ADGRV1: variants seen among roughly 807,000 people sequenced by gnomAD.
ADGRV1 encodes the protein adhesion G protein-coupled receptor V1.
A neutral mutation model predicts 596.2 loss-of-function variants in ADGRV1; 359 were observed. The ratio of observed to expected loss-of-function variants is 0.60; its 90% CI spans 0.55 to 0.66. The LOEUF (loss-of-function observed/expected upper bound fraction) is 0.66, where lower values mean the gene tolerates loss of function less well. ADGRV1 is among the 30% of genes least tolerant of loss of function. The probability of loss-of-function intolerance (pLI) is 0.00; values close to 1 mark genes in which losing one functional copy is unlikely to be tolerated. For missense variants in ADGRV1, 7,274 were observed against 7,575.6 expected, an observed-to-expected ratio of 0.96 and a Z score of 1.48; for synonymous variants, 2,681 against 2,679.2, an observed-to-expected ratio of 1.00 and a Z score of -0.02.
rs371950734 is a variant in ADGRV1, at chr5:90,712,380, A to G, written c.9136A>G (p.Ile3046Val). ...AGAAGGAGATGAAAAATTTCAGCTGATTTTAACAAATCCTTCTCCTGGACT... is the reference window on the plus strand; with the variant it reads ...AGAAGGAGATGAAAAATTTCAGCTGGTTTTAACAAATCCTTCTCCTGGACT... ...IPEGDEKFQL[I>V]LTNPSPGLEL... is the part of the protein sequence containing the mutation. Residue 3046 changes from isoleucine to valine, a missense_variant, in exon 42 of 90, where the codon ATT becomes GTT. This residue lies in a region of ADGRV1 where 3,643 missense variants were observed against 3,809.2 expected (regional missense o/e 0.96). Coordinates refer to ENST00000405460, the MANE Select transcript of ADGRV1 (RefSeq NM_032119.4). The G allele has an allele frequency of 3.1e-6, 5 of 1,587,678 alleles. No individual in the cohort carries two copies. Among genetic ancestry groups the G allele is most frequent in the Non-Finnish European group, 8.6e-7 (1 of 1,163,868 alleles).
At chr5:90,974,730 C>T (rs1350873155) in intron 84 of ADGRV1, among the ~76,000 whole-genome samples, 1 of 152,092 alleles carries the variant, frequency 6.6e-6, no homozygotes, top group Non-Finnish European at 1.5e-5. Context: ...AATATTAGAC[C>T]TAAAACCATA....
chr5:90,576,747 G>A (rs1485289888), intron 1 of ADGRV1, among the ~76,000 whole-genome samples: 5 of 152,124 alleles, frequency 3.3e-5, no homozygotes, highest in African/African-American at 4.8e-5. Context: ...GTCTGAAAGC[G>A]TTCCTATTTC....
intron 83 of ADGRV1, among the ~76,000 whole-genome samples, chr5:90,883,483 A>C (rs1391665573): frequency 6.6e-6 from 1 of 152,194 alleles, no homozygotes; most frequent in Admixed American, 6.5e-5. Context: ...TTTCATTTTA[A>C]ATAATGATTC....
At chr5:91,104,927 TCAG>T (rs1791723278) in intron 87 of ADGRV1, among the ~76,000 whole-genome samples, 1 of 145,820 alleles carries the variant, frequency 6.9e-6, no homozygotes, top group Admixed American at 7.1e-5. Context: ...TGGCGCGAAC[TCAG>T]CTCACTGCAA....
At chr5:90,743,788 G>A (rs1754277928) in intron 50 of ADGRV1, among the ~76,000 whole-genome samples, 1 of 151,652 alleles carries the variant, frequency 6.6e-6, no homozygotes, top group Admixed American at 6.6e-5. Context: ...ATATATTTAT[G>A]TTCCAATGTG....
chr5:90,706,421 TA>T lies in ADGRV1; in HGVS notation c.8730+28del, dbSNP rs752220429. 4.6e-6 allele frequency: 7 copies of T among 1,507,536 alleles called. No individual in the cohort carries two copies. The Admixed American group carries it at 7.5e-5, about 16-fold the overall frequency. The allele number at this position is 1,507,536 out of a possible 1,614,324, so 93.4% of individuals were successfully genotyped here. On this transcript the variant is annotated intron_variant, in intron 38 of 89. Transcript: ENST00000405460. Reference sequence around the variant, plus strand: ...TAAAACTCTTTTTTTTTTTTAATCTTAGGGGGAGATAGTTTAATAAGTTTTT... The same window carrying T: ...TAAAACTCTTTTTTTTTTTTAATCTTGGGGGAGATAGTTTAATAAGTTTTT...
chr5:90,875,892 T>C (rs921771852), intron 83 of ADGRV1, among the ~76,000 whole-genome samples: 1 of 152,228 alleles, frequency 6.6e-6, no homozygotes, highest in African/African-American at 2.4e-5. Context: ...CTAATTTTAA[T>C]AGTGTTAACT....
At chr5:90,740,155 CTT>C (rs1753781530) in intron 50 of ADGRV1, among the ~76,000 whole-genome samples, 2 of 152,164 alleles carry the variant, frequency 1.3e-5, no homozygotes, top group South Asian at 4.1e-4. Flanking sequence ...CAGATGCTCT[CTT>C]TGGATAATCC....
chr5:90,568,946 C>T (rs1182480477), intron 1 of ADGRV1, among the ~76,000 whole-genome samples: 1 of 151,962 alleles, frequency 6.6e-6, no homozygotes, highest in Non-Finnish European at 1.5e-5. Flanking sequence ...TTCTGAATAC[C>T]AGAGATTGGG....
At chr5:90,617,637 G>GT in intron 2 of ADGRV1, 167 bp from the exon 3 acceptor site, 1 of 575,928 alleles carries the variant, frequency 1.7e-6, no homozygotes, top group Non-Finnish European at 3.0e-6. Context: ...CTGAAGATAA[G>GT]TTTTTTCAGT....
chr5:90,692,424 G>A lies in ADGRV1; in HGVS notation c.6952-181G>A, dbSNP rs10428619. 1.2e-3 allele frequency among the ~76,000 whole-genome samples: 179 copies of A among 152,198 alleles called. 1 individual carries two copies. Among genetic ancestry groups the A allele is most frequent in the African/African-American group, 4.1e-3 (171 of 41,556 alleles). On this transcript the variant is annotated intron_variant, in intron 31 of 89. Coordinates refer to ENST00000405460, the MANE Select transcript of ADGRV1 (RefSeq NM_032119.4). ...GGTTCTGTTATTAAATGTTGATGAT[G>A]GGTTATTCTGTTACATGCTGGGTTT...
intron 1 of ADGRV1, among the ~76,000 whole-genome samples, chr5:90,564,974 C>T (rs950179950): frequency 6.6e-6 from 1 of 151,990 alleles, no homozygotes; most frequent in East Asian, 2.0e-4. Context: ...GTGGCTCACT[C>T]CCGTAATCCC....
chr5:90,886,857 A>G (rs1455383639), intron 83 of ADGRV1, among the ~76,000 whole-genome samples: 3 of 152,168 alleles, frequency 2.0e-5, no homozygotes, highest in African/African-American at 4.8e-5. Flanking sequence ...TGTGCCAGCA[A>G]ATTCTTTTAA....
chr5:91,096,574 G>A (rs1190165196), intron 86 of ADGRV1, among the ~76,000 whole-genome samples: 4 of 151,930 alleles, frequency 2.6e-5, no homozygotes, highest in East Asian at 3.9e-4. Context: ...TTTCACATTC[G>A]TGACTCCTTG....
chr5:91,110,220 A>C (rs987220097), intron 87 of ADGRV1, among the ~76,000 whole-genome samples: 1 of 152,190 alleles, frequency 6.6e-6, no homozygotes. Context: ...AGGCCAAGGT[A>C]TATCCAAATT....
intron 71 of ADGRV1, among the ~76,000 whole-genome samples, chr5:90,804,240 TA>T (rs999845060): frequency 3.9e-5 from 6 of 152,094 alleles, no homozygotes; most frequent in Admixed American, 6.5e-5. Context: ...TTGTGTCTAC[TA>T]AAAATAGAAA....
chr5:91,140,074 C>T (rs1794969338), intron 87 of ADGRV1, among the ~76,000 whole-genome samples: 1 of 152,230 alleles, frequency 6.6e-6, no homozygotes, highest in Admixed American at 6.5e-5. Context: ...AAGTCATACA[C>T]CCATGTGGCT....
chr5:91,112,171 A>T (rs1178103415), intron 87 of ADGRV1, among the ~76,000 whole-genome samples: 5 of 152,342 alleles, frequency 3.3e-5, no homozygotes, highest in Non-Finnish European at 7.4e-5. Flanking sequence ...TTCTCTAAAT[A>T]AAAGTGTCAA....
intron 85 of ADGRV1, among the ~76,000 whole-genome samples, chr5:91,023,316 T>G (rs1783788621): frequency 6.6e-6 from 1 of 151,948 alleles, no homozygotes; most frequent in Non-Finnish European, 1.5e-5. Context: ...ATTCACAAGG[T>G]GAGTTAGGGG....
Sources: gnomAD v4.1 joint callset for allele counts (sites outside exome capture counted in the v4.1 genomes callset) on GRCh38, gnomAD v4.1.1 for gene constraint, gnomAD v4.1.1 regional missense constraint, MANE v1.5 for transcripts, NCBI Gene and HGNC (gene_info 2026-07-23, HGNC 2026-07-21) for gene names.